CNTN5: variants seen among roughly 807,000 people sequenced by gnomAD.
CNTN5 encodes contactin 5.
A neutral mutation model predicts 129.1 loss-of-function variants in CNTN5; 77 were observed. The observed-to-expected ratio is 0.60, with a 90% CI of 0.50 to 0.72. CNTN5 has a LOEUF of 0.72. Ranked by LOEUF, CNTN5 falls within the 30% of genes least tolerant of loss-of-function variation. The pLI, the probability that CNTN5 is intolerant of heterozygous loss-of-function variation, is 0.00. For synonymous variants in CNTN5, 509 were observed against 465.6 expected, an observed-to-expected ratio of 1.09 and a Z score of -1.20; for missense variants, 1,478 against 1,328.8, an observed-to-expected ratio of 1.11 and a Z score of -1.75.
intron 1 of CNTN5, among the ~76,000 whole-genome samples, chr11:99,203,119 T>A (rs1007502259): frequency 4.3e-4 from 66 of 152,136 alleles, no homozygotes; most frequent in African/African-American, 1.5e-3. Context: ...TCTTGCTAGG[T>A]AGTTTACCTC....
chr11:99,126,474 C>T (rs1858639348), intron 1 of CNTN5, among the ~76,000 whole-genome samples: 1 of 152,144 alleles, frequency 6.6e-6, no homozygotes, highest in Admixed American at 6.6e-5. Flanking sequence ...TCAGCCTTCT[C>T]CTGAATAGGT....
At chr11:99,063,300 A>G (rs1275897142) in intron 1 of CNTN5, among the ~76,000 whole-genome samples, 1 of 152,128 alleles carries the variant, frequency 6.6e-6, no homozygotes, top group Non-Finnish European at 1.5e-5. Context: ...TTTAGGCTGT[A>G]TGTAAAGCCA....
chr11:99,411,192 A>C (rs1433309839), intron 2 of CNTN5, among the ~76,000 whole-genome samples: 2 of 152,190 alleles, frequency 1.3e-5, no homozygotes, highest in Non-Finnish European at 2.9e-5. Flanking sequence ...AAATTTCCAC[A>C]ATATATAATT....
intron 15 of CNTN5, among the ~76,000 whole-genome samples, chr11:100,202,856 C>T (rs1160161866): frequency 6.6e-6 from 1 of 151,956 alleles, no homozygotes; most frequent in Non-Finnish European, 1.5e-5. Context: ...ATTTACGCAA[C>T]AGCCCCCATC....
At chr11:99,453,611 G>T (rs1009433272) in intron 2 of CNTN5, among the ~76,000 whole-genome samples, 2 of 152,108 alleles carry the variant, frequency 1.3e-5, no homozygotes, top group Non-Finnish European at 2.9e-5. Context: ...ATTTATGAGC[G>T]ATGAAAAAAC....
chr11:99,457,172 T>G (rs1215730378), intron 2 of CNTN5, among the ~76,000 whole-genome samples: 1 of 151,922 alleles, frequency 6.6e-6, no homozygotes, highest in Non-Finnish European at 1.5e-5. Context: ...TTCCACCAAT[T>G]TGAAAATATT....
At chr11:99,498,003 T>A (rs2135373086) in intron 2 of CNTN5, among the ~76,000 whole-genome samples, 1 of 152,274 alleles carries the variant, frequency 6.6e-6, no homozygotes, top group Admixed American at 6.5e-5. Flanking sequence ...GATATCATTT[T>A]CTACATGTTA....
At chr11:100,270,656 A>G (rs1384007805) in intron 17 of CNTN5, among the ~76,000 whole-genome samples, 1 of 152,224 alleles carries the variant, frequency 6.6e-6, no homozygotes, top group Admixed American at 6.5e-5. Flanking sequence ...TTTTTAAATT[A>G]GAGAGATATA....
intron 8 of CNTN5, among the ~76,000 whole-genome samples, chr11:100,000,694 G>C (rs1054181709): frequency 3.3e-4 from 51 of 152,314 alleles, no homozygotes; most frequent in African/African-American, 1.2e-3. Context: ...TGCCCTAGTA[G>C]AGGTTCTCCA....
intron 9 of CNTN5, among the ~76,000 whole-genome samples, chr11:100,006,362 A>AT (rs1940187830): frequency 6.6e-6 from 1 of 152,096 alleles, no homozygotes; most frequent in Non-Finnish European, 1.5e-5. Flanking sequence ...ATGCTGTTAG[A>AT]TAGCATTTTA....
intron 1 of CNTN5, among the ~76,000 whole-genome samples, chr11:99,163,888 G>A (rs1229632067): frequency 2.0e-5 from 3 of 152,312 alleles, no homozygotes; most frequent in Non-Finnish European, 1.5e-5. Context: ...ATTTGGAGGT[G>A]AAAACAATGC....
At chr11:100,255,308 C>T (rs946580884) in intron 16 of CNTN5, among the ~76,000 whole-genome samples, 1 of 152,108 alleles carries the variant, frequency 6.6e-6, no homozygotes, top group Non-Finnish European at 1.5e-5. Flanking sequence ...AGGGCTTGTA[C>T]ATTGTATGTT....
chr11:100,067,508 A>G (rs17094288), intron 10 of CNTN5, among the ~76,000 whole-genome samples: 3,220 of 151,926 alleles, frequency 0.021, 124 homozygotes, highest in African/African-American at 0.072. Context: ...TGCAACATAG[A>G]GATAAAGCTA....
At chr11:99,828,300 T>C (rs1004970594) in intron 4 of CNTN5, among the ~76,000 whole-genome samples, 1 of 152,200 alleles carries the variant, frequency 6.6e-6, no homozygotes, top group Non-Finnish European at 1.5e-5. Context: ...TTTGTGATTC[T>C]GTTACAGTAT....
At chr11:100,171,354 A>C (rs1416145356) in intron 13 of CNTN5, among the ~76,000 whole-genome samples, 1 of 152,032 alleles carries the variant, frequency 6.6e-6, no homozygotes, top group African/African-American at 2.4e-5. Context: ...TATGAGATTT[A>C]GATATTTATG....
chr11:99,240,756 TACAA>T (rs1239672241), intron 1 of CNTN5, among the ~76,000 whole-genome samples: 2 of 152,074 alleles, frequency 1.3e-5, no homozygotes, highest in African/African-American at 2.4e-5. Context: ...CTAAAACAAA[TACAA>T]ACAAACAAAC....
intron 1 of CNTN5, among the ~76,000 whole-genome samples, chr11:99,146,408 T>C (rs564120637): frequency 1.3e-5 from 2 of 152,304 alleles, no homozygotes; most frequent in South Asian, 2.1e-4. Flanking sequence ...ACAAAAATTA[T>C]GCATAATCCT....
chr11:99,214,780 C>A (rs1051932500), intron 1 of CNTN5, among the ~76,000 whole-genome samples: 4 of 152,066 alleles, frequency 2.6e-5, no homozygotes, highest in Non-Finnish European at 5.9e-5. Context: ...TTCAATAAGT[C>A]ATTTAACAAG....
Position 100,241,216 on chromosome 11 carries a change from C to T in CNTN5, c.2006-14544C>T, listed in dbSNP as rs1000470059. ...AACAAGTTACCTATTTGTAATTATTCGTACCAGTTTGTAAAAATACATCCT... is the reference window on the plus strand; with the variant it reads ...AACAAGTTACCTATTTGTAATTATTTGTACCAGTTTGTAAAAATACATCCT... On this transcript the variant is annotated intron_variant, in intron 16 of 24. Transcript: ENST00000524871. Among the ~76,000 whole-genome samples the T allele has an allele frequency of 3.3e-5, 5 of 152,106 alleles. No individual in the cohort carries two copies. In the East Asian group the frequency reaches 5.8e-4, roughly 18 times the overall value.
Sources: gnomAD v4.1 joint callset for allele counts (sites outside exome capture counted in the v4.1 genomes callset) on GRCh38, gnomAD v4.1.1 for gene constraint, MANE v1.5 for transcripts, NCBI Gene and HGNC (gene_info 2026-07-23, HGNC 2026-07-21) for gene names.